The following PKD2 variants were observed in gnomAD, a reference collection of about 807,000 sequenced individuals.
PKD2 encodes polycystin 2, transient receptor potential cation channel, also known as polycystin-2.
In PKD2, 48 loss-of-function variants were observed where a neutral mutation model predicts 105.9. The observed-to-expected ratio is 0.45, with a 90% CI of 0.36 to 0.58. The LOEUF is 0.58. Ranked by LOEUF, PKD2 falls within the 20% of genes least tolerant of loss-of-function variation. PKD2 has a pLI of 0.00. For synonymous variants in PKD2, 464 were observed against 481.1 expected (o/e 0.96, Z 0.46); for missense variants, 1,078 against 1,255.3 (o/e 0.86, Z 2.13).
chr4:88,055,702 A>G (rs189395512), intron 7 of PKD2, among the ~76,000 whole-genome samples: 58 of 150,972 alleles, frequency 3.8e-4, no homozygotes, highest in African/African-American at 1.4e-3. Context: ...GCTTAAGTGT[A>G]CAATTCAGTG....
intron 4 of PKD2, among the ~76,000 whole-genome samples, chr4:88,041,196 T>C (rs1727552115): frequency 6.6e-6 from 1 of 152,200 alleles, no homozygotes; most frequent in Admixed American, 6.5e-5. Context: ...TCCAGAGTCA[T>C]TTTTGAGCCA....
chr4:88,070,601 TAGAGAGAG>T (rs1223785807), intron 13 of PKD2, among the ~76,000 whole-genome samples: 1 of 91,482 alleles, frequency 1.1e-5, no homozygotes, highest in Non-Finnish European at 2.1e-5. Context: ...TATATATATA[TAGAGAGAG>T]AGAGAGAGAG....
chr4:88,075,379 T>G, intron 14 of PKD2, 79 bp from the exon 15 acceptor site: 3 of 1,022,204 alleles, frequency 2.9e-6, no homozygotes, highest in South Asian at 2.5e-5. Flanking sequence ...CTTACCAAAC[T>G]ACAGATTATT....
At chr4:88,030,664 C>A (rs1421031522) in intron 2 of PKD2, among the ~76,000 whole-genome samples, 3 of 152,184 alleles carry the variant, frequency 2.0e-5, no homozygotes, top group Non-Finnish European at 4.4e-5. Flanking sequence ...CTTAGTGGTG[C>A]CCACCCGAAC....
At chr4:88,071,371 G>T (rs1324709463) in intron 13 of PKD2, among the ~76,000 whole-genome samples, 4 of 151,984 alleles carry the variant, frequency 2.6e-5, no homozygotes, top group African/African-American at 9.7e-5. Context: ...TTTAACCATG[G>T]TGGGGTTTTT....
intron 2 of PKD2, among the ~76,000 whole-genome samples, chr4:88,019,927 G>A (rs1726690565): frequency 6.6e-6 from 1 of 152,154 alleles, no homozygotes; most frequent in Admixed American, 6.5e-5. Context: ...AACACAGGAC[G>A]GGAGAGGCAA....
intron 3 of PKD2, among the ~76,000 whole-genome samples, chr4:88,037,390 A>G: frequency 6.6e-6 from 1 of 152,166 alleles, no homozygotes; most frequent in East Asian, 1.9e-4. Flanking sequence ...TATTAAACTG[A>G]TCTGAGGGAT....
At chr4:88,028,943 AC>A (rs993382712) in intron 2 of PKD2, among the ~76,000 whole-genome samples, 2 of 152,206 alleles carry the variant, frequency 1.3e-5, no homozygotes, top group Non-Finnish European at 2.9e-5. Flanking sequence ...AACAGCCTTT[AC>A]CCCTTAAAGA....
chr4:88,041,274 ACT>A (rs1395714287), intron 4 of PKD2, among the ~76,000 whole-genome samples: 7 of 151,766 alleles, frequency 4.6e-5, no homozygotes, highest in Non-Finnish European at 8.8e-5. Context: ...TGGTTACGAC[ACT>A]CTCTCACTCC....
At chr4:88,057,417 T>C (rs1481903581) in intron 8 of PKD2, among the ~76,000 whole-genome samples, 1 of 151,896 alleles carries the variant, frequency 6.6e-6, no homozygotes, top group Non-Finnish European at 1.5e-5. Flanking sequence ...TATAAGTTAT[T>C]GAATAATAAT....
chr4:88,048,013 A>AT (rs1192570142), intron 6 of PKD2, among the ~76,000 whole-genome samples: 1 of 152,164 alleles, frequency 6.6e-6, no homozygotes, highest in African/African-American at 2.4e-5. Flanking sequence ...TTCAGTGTAT[A>AT]AAAGAATTTT....
chr4:88,026,696 G>T (rs532489191), intron 2 of PKD2, among the ~76,000 whole-genome samples: 1 of 152,326 alleles, frequency 6.6e-6, no homozygotes, highest in African/African-American at 2.4e-5. Context: ...AAAATCTTCA[G>T]GGCAGACCCT....
chr4:88,024,511 A>G (rs1423928812), intron 2 of PKD2, among the ~76,000 whole-genome samples: 1 of 151,450 alleles, frequency 6.6e-6, no homozygotes, highest in African/African-American at 2.4e-5. Flanking sequence ...AGGAAAGAAA[A>G]AAAAAGGAAA....
rs537840027 is a variant in PKD2, at chr4:88,031,957, C to G, written c.710-4263C>G. ...AGAGGATTATAATACCACTTAAAAC[C>G]TTTTAAAAAATATTTTGTTCCTGAT... On this transcript the variant is annotated intron_variant, in intron 2 of 14. Coordinates refer to ENST00000237596, the MANE Select transcript of PKD2 (RefSeq NM_000297.4). 3.9e-4 allele frequency among the ~76,000 whole-genome samples: 59 copies of G among 152,158 alleles called. No homozygotes were observed. The Middle Eastern group carries it at 0.011, about 27-fold the overall frequency.
At chr4:88,034,315 G>A (rs148608925) in intron 2 of PKD2, among the ~76,000 whole-genome samples, 1 of 152,166 alleles carries the variant, frequency 6.6e-6, no homozygotes, top group East Asian at 1.9e-4. Flanking sequence ...ACACACTCGT[G>A]TTTGGATCAT....
intron 10 of PKD2, among the ~76,000 whole-genome samples, chr4:88,064,333 A>T (rs188189192): frequency 3.3e-5 from 5 of 152,356 alleles, no homozygotes; most frequent in African/African-American, 1.2e-4. Context: ...TTACAAAGAA[A>T]TAAAACACTT....
chr4:88,065,337 A>G lies in PKD2; in HGVS notation c.2119-37A>G, dbSNP rs543198617. 2.5e-6 allele frequency: 4 copies of G among 1,597,952 alleles called. No individual in the cohort carries two copies. The East Asian group carries it at 8.9e-5, about 36-fold the overall frequency. ...TAAAACAGATGCAAAAGGAGAATAC[A>G]CTAAACCAAGTCTTTTATTTTTTCT... On this transcript the variant is annotated intron_variant, in intron 10 of 14. Coordinates refer to ENST00000237596, the MANE Select transcript of PKD2 (RefSeq NM_000297.4).
rs549470007 is a variant in PKD2, at chr4:88,031,114, A to G, written c.710-5106A>G. Among the ~76,000 whole-genome samples, 42 of 152,328 alleles carry G rather than the reference A, an allele frequency of 2.8e-4. No homozygotes were observed. In the South Asian group the frequency reaches 6.2e-3, roughly 23 times the overall value. On this transcript the variant is annotated intron_variant, in intron 2 of 14. Coordinates refer to ENST00000237596, the MANE Select transcript of PKD2 (RefSeq NM_000297.4). ...CCATACTCTAAAGATAGAGCCACAG[A>G]TCCCAGTCAGCCATGTGATTATGAG...
intron 9 of PKD2, among the ~76,000 whole-genome samples, chr4:88,061,145 CA>C (rs1354239035): frequency 6.6e-6 from 1 of 151,926 alleles, no homozygotes; most frequent in East Asian, 1.9e-4. Context: ...TATGATTATA[CA>C]AAAAAACTTG....
Sources: gnomAD v4.1 joint callset for allele counts (sites outside exome capture counted in the v4.1 genomes callset) on GRCh38, gnomAD v4.1.1 for gene constraint, MANE v1.5 for transcripts, NCBI Gene and HGNC (gene_info 2026-07-23, HGNC 2026-07-21) for gene names.